Variants in KIAA0586 observed in about 807,000 individuals in gnomAD.
KIAA0586 encodes the protein protein TALPID3.
A neutral mutation model predicts 169.8 loss-of-function variants in KIAA0586; 144 were observed. That is an observed-to-expected ratio of 0.85 (90% CI 0.74 to 0.97). The LOEUF (loss-of-function observed/expected upper bound fraction) is 0.97. Ranked by LOEUF, KIAA0586 falls within the 50% of genes least tolerant of loss-of-function variation. The probability of loss-of-function intolerance (pLI) is 0.00; values close to 1 mark genes in which losing one functional copy is unlikely to be tolerated. For synonymous variants in KIAA0586, 625 were observed against 612.4 expected (o/e 1.02, Z -0.30); for missense variants, 1,854 against 1,823.0 (o/e 1.02, Z -0.31).
intron 26 of KIAA0586, among the ~76,000 whole-genome samples, chr14:58,494,441 T>TA (rs1430337914): frequency 1.3e-5 from 2 of 152,070 alleles, no homozygotes; most frequent in African/African-American, 4.8e-5. Flanking sequence ...TTTTTAAACT[T>TA]ATTGACTCCT....
intron 6 of KIAA0586, 124 bp from the exon 7 acceptor site, chr14:58,448,216 A>G (rs767512086): frequency 9.2e-6 from 6 of 651,088 alleles, no homozygotes; most frequent in African/African-American, 1.8e-5. Flanking sequence ...AATGTAATAC[A>G]TATTTTTCAT....
intron 29 of KIAA0586, chr14:58,521,155 C>A: frequency 1.7e-6 from 1 of 603,336 alleles, no homozygotes; most frequent in South Asian, 1.8e-5. Flanking sequence ...TGCCTGCTCA[C>A]TTCTGTGAGA....
chr14:58,519,267 T>G (rs1203854827), intron 29 of KIAA0586, among the ~76,000 whole-genome samples: 2 of 152,190 alleles, frequency 1.3e-5, no homozygotes, highest in Admixed American at 1.3e-4. Flanking sequence ...TTTATAGAGA[T>G]AGAGTTTCAC....
intron 29 of KIAA0586, among the ~76,000 whole-genome samples, chr14:58,533,829 T>G (rs1356784932): frequency 6.6e-6 from 1 of 151,948 alleles, no homozygotes; most frequent in Non-Finnish European, 1.5e-5. Context: ...TCTCTCCCCC[T>G]TGCCCCGAAA....
intron 20 of KIAA0586, among the ~76,000 whole-genome samples, chr14:58,481,945 C>A (rs1408023080): frequency 1.3e-5 from 2 of 151,924 alleles, no homozygotes; most frequent in African/African-American, 4.8e-5. Flanking sequence ...TCCCGAGTAG[C>A]TGGGACTACA....
At chr14:58,476,645 G>A (rs1748994) in intron 19 of KIAA0586, among the ~76,000 whole-genome samples, 146,555 of 149,960 alleles carry the variant, frequency 0.98, 71,698 homozygotes, top group Non-Finnish European at 1. Flanking sequence ...TCTGTTTAGT[G>A]TGTTTTATCT....
Position 58,498,781 on chromosome 14 carries a change from A to G in KIAA0586, c.3991-2A>G. On this transcript the variant is annotated splice_acceptor_variant, in intron 26 of 30. Transcript: ENST00000652326. LOFTEE classifies it high-confidence loss of function. ...TTTAACAATTGTTTCTGCTTTTTAA[A>G]GGACTTGGAAAACAGTGTGGGTGAA... The G allele has an allele frequency of 6.3e-7, 1 of 1,581,586 alleles. No individual in the cohort carries two copies. The highest frequency in any genetic ancestry group is 8.6e-7 in the Non-Finnish European group (1 of 1,168,352).
intron 30 of KIAA0586, among the ~76,000 whole-genome samples, chr14:58,546,093 C>T (rs2046964564): frequency 6.6e-6 from 1 of 152,110 alleles, no homozygotes; most frequent in Admixed American, 6.6e-5. Flanking sequence ...TTATTACATC[C>T]TGACAAACTG....
At chr14:58,500,298 T>G (rs768472479) in intron 27 of KIAA0586, among the ~76,000 whole-genome samples, 5 of 152,224 alleles carry the variant, frequency 3.3e-5, no homozygotes, top group Non-Finnish European at 5.9e-5. Context: ...TTTGGATTCA[T>G]TAATATTGAA....
rs1054781365 is a variant in KIAA0586 at position 58,448,460 on chromosome 14, C to T, written c.928C>T (p.Pro310Ser). Residue 310 changes from proline (P) to serine (S), a missense_variant, in exon 7 of 31, where the codon CCA becomes TCA. Physicochemically the swap from Pro to Ser is moderately conservative, Grantham distance 74. Coordinates refer to ENST00000652326, the MANE Select transcript of KIAA0586 (RefSeq NM_001329943.3). ...ACACCCTAATCTTGGTAGCTGTAATCCATCTTTATATAACACATTTGCTTC... is the reference window on the plus strand; with the variant it reads ...ACACCCTAATCTTGGTAGCTGTAATTCATCTTTATATAACACATTTGCTTC... Reference protein sequence around the residue: ...PEHPNLGSCNPSLYNTFASKQ... With the variant: ...PEHPNLGSCNSSLYNTFASKQ... 2.4e-5 allele frequency: 38 copies of T among 1,611,530 alleles called. No homozygotes were observed. In the Middle Eastern group the frequency reaches 4.9e-4, roughly 21 times the overall value.
upstream of KIAA0586, chr14:58,427,701 G>T (rs1171653288): frequency 4.6e-6 from 7 of 1,535,348 alleles, no homozygotes; most frequent in Non-Finnish European, 3.5e-6. Context: ...AGTGGGTGTT[G>T]ACCTGCGGGC....
At position 58,458,453 on chromosome 14, in the gene KIAA0586, T is replaced by G; in HGVS notation, c.1584-20T>G. ...GACAGTAAGTGCTAATTTAAGAAAA[T>G]TCCTTTTTCTCTTTTATAGAGAGAT... On this transcript the variant is annotated intron_variant, in intron 11 of 30. Transcript: ENST00000652326. The G allele has an allele frequency of 1.4e-6, 2 of 1,410,506 alleles. No homozygotes were observed. The highest frequency in any genetic ancestry group is 2.0e-6 in the Non-Finnish European group (2 of 1,023,168). 87.4% of individuals were successfully genotyped at this position (1,410,506 alleles called of 1,614,324 possible). A position where few individuals can be genotyped will look rare whatever the true frequency, so the allele number is the denominator to read the frequency against.
intron 29 of KIAA0586, among the ~76,000 whole-genome samples, chr14:58,522,980 A>G (rs1463594065): frequency 3.3e-5 from 5 of 152,132 alleles, no homozygotes; most frequent in African/African-American, 1.2e-4. Flanking sequence ...AACTGTTCCA[A>G]TGTGAAAGGA....
In KIAA0586 at chr14:58,472,256, G is replaced by A; in HGVS notation, c.2611G>A (p.Asp871Asn). 1 of 1,576,514 alleles carries A rather than the reference G, an allele frequency of 6.3e-7. No individual in the cohort carries two copies. The highest frequency in any genetic ancestry group is 8.6e-7 in the Non-Finnish European group (1 of 1,160,688). The part of the protein sequence containing the change: ...EEVKFPGTNF[D>N]EIIDVIQEEE... The stretch of plus-strand genomic sequence containing the variant: ...GGTGAAGTTTCCAGGAACTAACTTT[G>A]ATGAAATAATCGATGTCATACAGGT... The change falls in exon 18 of 31, where the codon GAT becomes AAT. Residue 871 changes from aspartate to asparagine, a missense_variant. Asp to Asn is a conservative substitution (Grantham distance 23, BLOSUM62 1). Coordinates refer to ENST00000652326, the MANE Select transcript of KIAA0586 (RefSeq NM_001329943.3).
intron 26 of KIAA0586, among the ~76,000 whole-genome samples, chr14:58,495,306 G>A (rs918217322): frequency 2.0e-5 from 3 of 151,838 alleles, no homozygotes; most frequent in Admixed American, 1.3e-4. Flanking sequence ...ATATATATAT[G>A]TGTGTGAATC....
At chr14:58,519,949 C>A (rs1405314064) in intron 29 of KIAA0586, among the ~76,000 whole-genome samples, 1 of 152,152 alleles carries the variant, frequency 6.6e-6, no homozygotes, top group East Asian at 1.9e-4. Flanking sequence ...GTGCAAACAG[C>A]CACAGTGGAC....
chr14:58,438,300 T>C (rs2038010107), intron 4 of KIAA0586, among the ~76,000 whole-genome samples: 1 of 152,184 alleles, frequency 6.6e-6, no homozygotes, highest in South Asian at 2.1e-4. Flanking sequence ...TAAAAGCCTA[T>C]AAAGAAATTT....
rs2047146968 is a variant in KIAA0586, at chr14:58,549,330, A to G, written c.*1398A>G. 1 of 151,954 alleles carries G rather than the reference A, an allele frequency of 6.6e-6. No individual in the cohort carries two copies. Among genetic ancestry groups the G allele is most frequent in the African/African-American group, 2.4e-5 (1 of 41,352 alleles). The allele number at this position is 151,954 out of a possible 1,614,324, so 9.4% of individuals were successfully genotyped here. On this transcript the variant is annotated 3_prime_UTR_variant, in exon 31 of 31. Coordinates refer to ENST00000652326, the MANE Select transcript of KIAA0586 (RefSeq NM_001329943.3). Reference sequence around the variant, plus strand: ...ATTTAATTGATCTTGGATGGGGTCCAGCATTGGTATTAAAAAAAAAAAAAG... The same window carrying G: ...ATTTAATTGATCTTGGATGGGGTCCGGCATTGGTATTAAAAAAAAAAAAAG...
chr14:58,447,574 G>A (rs555550995), intron 6 of KIAA0586, among the ~76,000 whole-genome samples: 5 of 151,830 alleles, frequency 3.3e-5, no homozygotes, highest in Non-Finnish European at 5.9e-5. Flanking sequence ...TCCGTGTCCC[G>A]GGTTCAAGTG....
Sources: allele counts gnomAD v4.1 joint callset (sites outside exome capture counted in the v4.1 genomes callset), GRCh38; gene constraint gnomAD v4.1.1; transcripts MANE v1.5; gene names NCBI Gene and HGNC (gene_info 2026-07-23, HGNC 2026-07-21).